BICC1: variants seen among roughly 807,000 people sequenced by gnomAD.
BICC1 encodes the protein BicC family RNA binding protein 1, also known as protein bicaudal C homolog 1.
A neutral mutation model predicts 111.0 loss-of-function variants in BICC1; 43 were observed. The observed-to-expected ratio is 0.39, with a 90% CI of 0.30 to 0.50. The LOEUF is 0.50. Among genes scored for constraint, BICC1 ranks in the 20% least tolerant of loss-of-function variants. The pLI is 0.88. For synonymous variants in BICC1, 467 were observed against 434.4 expected, an observed-to-expected ratio of 1.07 and a Z score of -0.93; for missense variants, 1,091 against 1,203.2, an observed-to-expected ratio of 0.91 and a Z score of 1.38.
chr10:58,756,918 C>G (rs1842164738), intron 3 of BICC1, among the ~76,000 whole-genome samples: 1 of 152,138 alleles, frequency 6.6e-6, no homozygotes, highest in Non-Finnish European at 1.5e-5. Flanking sequence ...AGTTGGATTT[C>G]AGCAATATCA....
intron 1 of BICC1, among the ~76,000 whole-genome samples, chr10:58,569,840 T>G (rs1843891041): frequency 6.6e-6 from 1 of 152,186 alleles, no homozygotes; most frequent in African/African-American, 2.4e-5. Flanking sequence ...TGAATAGTGT[T>G]ACAGTAAACA....
At chr10:58,601,751 A>C (rs570302141) in intron 1 of BICC1, among the ~76,000 whole-genome samples, 2 of 152,252 alleles carry the variant, frequency 1.3e-5, no homozygotes, top group South Asian at 4.1e-4. Flanking sequence ...TCAGGGTTAT[A>C]ATTATATAAA....
chr10:58,745,931 A>G (rs1841824571), intron 3 of BICC1, among the ~76,000 whole-genome samples: 1 of 152,024 alleles, frequency 6.6e-6, no homozygotes, highest in Admixed American at 6.6e-5. Flanking sequence ...TATAGGGTAG[A>G]TATTTGTATA....
intron 1 of BICC1, among the ~76,000 whole-genome samples, chr10:58,619,495 T>A (rs1162732524): frequency 1.7e-5 from 2 of 116,658 alleles, no homozygotes; most frequent in African/African-American, 3.1e-5. Flanking sequence ...TTTTTTTTTT[T>A]GAGAGAGTCT....
intron 2 of BICC1, among the ~76,000 whole-genome samples, chr10:58,658,398 A>G (rs1176253516): frequency 6.6e-6 from 1 of 152,054 alleles, no homozygotes; most frequent in East Asian, 1.9e-4. Context: ...CATGTTGGCC[A>G]GGCTGTTCTC....
At chr10:58,532,495 A>C (rs1227634359) in intron 1 of BICC1, among the ~76,000 whole-genome samples, 1 of 151,882 alleles carries the variant, frequency 6.6e-6, no homozygotes, top group Non-Finnish European at 1.5e-5. Context: ...GATACTTTAC[A>C]AAAAATTTAT....
intron 3 of BICC1, among the ~76,000 whole-genome samples, chr10:58,781,043 A>T (rs1842870836): frequency 6.6e-6 from 1 of 152,134 alleles, no homozygotes; most frequent in Admixed American, 6.5e-5. Flanking sequence ...ATGCATTTCC[A>T]TTACAGCTTC....
chr10:58,758,157 A>T (rs1056856048), intron 3 of BICC1, among the ~76,000 whole-genome samples: 6 of 152,118 alleles, frequency 3.9e-5, no homozygotes, highest in South Asian at 2.1e-4. Context: ...GTCATTAAAA[A>T]TTTTTTTTGG....
At chr10:58,684,483 C>T (rs377118224) in intron 2 of BICC1, among the ~76,000 whole-genome samples, 3 of 152,090 alleles carry the variant, frequency 2.0e-5, no homozygotes, top group South Asian at 2.1e-4. Context: ...TGGTAGAAAT[C>T]GGCTGTGAAT....
Position 58,523,403 on chromosome 10 carries a change from G to A in BICC1, c.190+10070G>A, listed in dbSNP as rs574337386. Among the ~76,000 whole-genome samples, 15 of 152,226 alleles carry A rather than the reference G, an allele frequency of 9.9e-5. No homozygotes were observed. In the East Asian group the frequency reaches 2.9e-3, roughly 29 times the overall value. The stretch of plus-strand genomic sequence containing the variant: ...GGGATTCAAGGCTGGTTTAACATAC[G>A]CAAATCAATAAACGTAATCCAACGT... On this transcript the variant is annotated intron_variant, in intron 1 of 20. Transcript: ENST00000373886.
At chr10:58,533,597 T>C (rs922914957) in intron 1 of BICC1, among the ~76,000 whole-genome samples, 1 of 151,812 alleles carries the variant, frequency 6.6e-6, no homozygotes, top group Non-Finnish European at 1.5e-5. Context: ...GCAAGACTTT[T>C]AAAAGTGAAG....
intron 3 of BICC1, among the ~76,000 whole-genome samples, chr10:58,709,785 A>T (rs1840516175): frequency 6.6e-6 from 1 of 152,196 alleles, no homozygotes; most frequent in African/African-American, 2.4e-5. Context: ...AACCTTCTTT[A>T]GTGGTTCTGA....
chr10:58,520,747 A>C (rs1424519058), intron 1 of BICC1, among the ~76,000 whole-genome samples: 2 of 152,172 alleles, frequency 1.3e-5, no homozygotes, highest in African/African-American at 4.8e-5. Context: ...ACAAACCTAT[A>C]TAGAATACTT....
At chr10:58,531,214 C>T (rs986953021) in intron 1 of BICC1, among the ~76,000 whole-genome samples, 4 of 151,778 alleles carry the variant, frequency 2.6e-5, no homozygotes, top group African/African-American at 9.7e-5. Flanking sequence ...ACTTTGATTG[C>T]CTGGGGACTG....
intron 1 of BICC1, among the ~76,000 whole-genome samples, chr10:58,574,931 A>G (rs1844063675): frequency 6.6e-6 from 1 of 152,118 alleles, no homozygotes; most frequent in African/African-American, 2.4e-5. Flanking sequence ...AGCCTCTGAA[A>G]AACTCTGTGT....
rs779790494 is a variant in BICC1 at position 58,806,627 on chromosome 10, T to C, written c.2221+4T>C. Reference sequence around the variant, plus strand: ...AAGAAGCTATTAGCCACCAAAGGTATGTAATACACTAATAACTTACACTTG... The same window carrying C: ...AAGAAGCTATTAGCCACCAAAGGTACGTAATACACTAATAACTTACACTTG... On this transcript the variant is annotated splice_donor_region_variant and intron_variant, in intron 16 of 20. Transcript: ENST00000373886. The C allele has an allele frequency of 1.6e-5, 26 of 1,605,578 alleles. No homozygotes were observed. The highest frequency in any genetic ancestry group is 2.0e-5 in the Non-Finnish European group (24 of 1,172,752).
At chr10:58,820,130 T>C (rs540422471) in intron 19 of BICC1, among the ~76,000 whole-genome samples, 1 of 152,252 alleles carries the variant, frequency 6.6e-6, no homozygotes, top group South Asian at 2.1e-4. Context: ...GTACAATCTT[T>C]GTGTTTCCTT....
At chr10:58,526,203 GA>G (rs370176037) in intron 1 of BICC1, among the ~76,000 whole-genome samples, 80 of 145,862 alleles carry the variant, frequency 5.5e-4, no homozygotes, top group African/African-American at 1.3e-3. Flanking sequence ...ACTTTACAGA[GA>G]AAAAAAAAAG....
chr10:58,629,828 GTA>G (rs1837738766), intron 2 of BICC1, among the ~76,000 whole-genome samples: 1 of 152,160 alleles, frequency 6.6e-6, no homozygotes, highest in Non-Finnish European at 1.5e-5. Flanking sequence ...TCTTGGCAAA[GTA>G]TGTTGCGTTA....
Sources: gnomAD v4.1 joint callset for allele counts (sites outside exome capture counted in the v4.1 genomes callset) on GRCh38, gnomAD v4.1.1 for gene constraint, MANE v1.5 for transcripts, NCBI Gene and HGNC (gene_info 2026-07-23, HGNC 2026-07-21) for gene names.